The following SUGCT variants were observed in gnomAD, a reference collection of about 807,000 sequenced individuals.
SUGCT encodes the protein succinyl-CoA:glutarate-CoA transferase, also known as succinyl-CoA:glutarate CoA-transferase.
In SUGCT, 41 loss-of-function variants were observed where a neutral mutation model predicts 55.0. The observed-to-expected ratio is 0.74, with a 90% CI of 0.58 to 0.97. The LOEUF is 0.97. Among genes scored for constraint, SUGCT ranks in the 50% least tolerant of loss-of-function variants. The pLI, the probability that SUGCT is intolerant of heterozygous loss-of-function variation, is 0.00. For missense variants in SUGCT, 568 were observed against 547.8 expected (o/e 1.04, Z -0.37); for synonymous variants, 187 against 200.4 (o/e 0.93, Z 0.56).
At chr7:41,033,461 C>T in the SUGCT span, among the ~76,000 whole-genome samples, 4 of 152,104 alleles carry the variant, frequency 2.6e-5, no homozygotes, top group Non-Finnish European at 5.9e-5. Context: ...AACTCTGGGA[C>T]CCAAACATGT....
intron 8 of SUGCT, among the ~76,000 whole-genome samples, chr7:40,307,979 G>A (rs560985938): frequency 1.3e-5 from 2 of 152,264 alleles, no homozygotes; most frequent in African/African-American, 4.8e-5. Flanking sequence ...TGTTTTCTAC[G>A]AATGCTAGCC....
intron 8 of SUGCT, among the ~76,000 whole-genome samples, chr7:40,286,885 G>A (rs1377130840): frequency 2.6e-5 from 4 of 152,160 alleles, no homozygotes; most frequent in African/African-American, 4.8e-5. Context: ...GGCCAAGCCT[G>A]TAGAGCCGGA....
At chr7:40,799,184 C>T (rs1467434457) in intron 13 of SUGCT, among the ~76,000 whole-genome samples, 1 of 152,184 alleles carries the variant, frequency 6.6e-6, no homozygotes, top group Non-Finnish European at 1.5e-5. Flanking sequence ...GAGCTGATGC[C>T]TCCTTTTTGT....
rs1226877571 is a variant in SUGCT, at chr7:40,364,382, G to A, written c.816+47527G>A. On this transcript the variant is annotated intron_variant, in intron 9 of 13. Transcript: ENST00000335693. ...ATGATGTTAGCTGGTTATTTTGCTC[G>A]TTAGTTGATGCAGTTTCTTCCTAGT... Among the ~76,000 whole-genome samples, 16 of 151,892 alleles carry A rather than the reference G, an allele frequency of 1.1e-4. No homozygotes were observed. The East Asian group carries it at 1.6e-3, about 15-fold the overall frequency.
the SUGCT span, among the ~76,000 whole-genome samples, chr7:41,026,111 G>T: frequency 2.3e-3 from 352 of 152,306 alleles, 3 homozygotes; most frequent in African/African-American, 7.9e-3. Context: ...CCATCACCTT[G>T]GTCTTACGTT....
At chr7:40,233,588 G>C (rs1216031587) in intron 6 of SUGCT, among the ~76,000 whole-genome samples, 6 of 151,980 alleles carry the variant, frequency 3.9e-5, no homozygotes, top group African/African-American at 9.7e-5. Flanking sequence ...AATTTTTATG[G>C]TTTATTAAAC....
At chr7:40,918,990 A>T in the SUGCT span, among the ~76,000 whole-genome samples, 1 of 152,190 alleles carries the variant, frequency 6.6e-6, no homozygotes, top group East Asian at 1.9e-4. Context: ...ACAAGTGGTG[A>T]TGAGAGAAAA....
At chr7:40,147,972 G>A (rs1788349690) in intron 1 of SUGCT, among the ~76,000 whole-genome samples, 1 of 152,222 alleles carries the variant, frequency 6.6e-6, no homozygotes, top group African/African-American at 2.4e-5. Flanking sequence ...GGAGGGGAAG[G>A]GGAGTTTATC....
In SUGCT at chr7:40,465,890, TA is replaced by T. The variant is rs1197698916; in HGVS notation, c.986+6693del. ...ACCTTTCAAAAAAAATAAATAAATA[TA>T]TTTTTTTTGAGACAAGGTCTCACTC... is the stretch of plus-strand genomic sequence containing the variant. On this transcript the variant is annotated intron_variant, in intron 11 of 13. Coordinates refer to ENST00000335693, the MANE Select transcript of SUGCT (RefSeq NM_001193313.2). Among the ~76,000 whole-genome samples the T allele has an allele frequency of 5.3e-5, 8 of 151,944 alleles. No homozygotes were observed. In the South Asian group the frequency reaches 8.3e-4, roughly 16 times the overall value.
intron 13 of SUGCT, among the ~76,000 whole-genome samples, chr7:40,824,307 A>G (rs2128770007): frequency 6.6e-6 from 1 of 152,322 alleles, no homozygotes; most frequent in South Asian, 2.1e-4. Flanking sequence ...CTTTCCTGTT[A>G]GGCCCGCTTG....
chr7:40,899,882 A>G, the SUGCT span, among the ~76,000 whole-genome samples: 1 of 152,224 alleles, frequency 6.6e-6, no homozygotes, highest in African/African-American at 2.4e-5. Flanking sequence ...ATGTCATTAC[A>G]CAGCACTCTG....
chr7:40,663,946 T>C (rs1339395584), intron 12 of SUGCT, among the ~76,000 whole-genome samples: 1 of 152,082 alleles, frequency 6.6e-6, no homozygotes, highest in Non-Finnish European at 1.5e-5. Context: ...TTTACAGGGG[T>C]AATCAAGTTA....
chr7:40,222,986 TTTCCTTCCTTCCTTCCTTCCTTCC>T (rs200277908), intron 6 of SUGCT, among the ~76,000 whole-genome samples: 5 of 94,000 alleles, frequency 5.3e-5, no homozygotes, highest in African/African-American at 1.3e-4. Flanking sequence ...TTTTCATTTC[TTTCCTTCCTTCCTTCCTTCCTTCC>T]TTCCTTCCTT....
intron 11 of SUGCT, among the ~76,000 whole-genome samples, chr7:40,485,600 A>AT (rs1046523739): frequency 2.6e-5 from 4 of 151,196 alleles, no homozygotes; most frequent in Non-Finnish European, 5.9e-5. Context: ...TAATTTTTGT[A>AT]TTTTTTGTAG....
the SUGCT span, among the ~76,000 whole-genome samples, chr7:40,935,848 T>C: frequency 6.6e-6 from 1 of 152,162 alleles, no homozygotes; most frequent in Non-Finnish European, 1.5e-5. Flanking sequence ...CTGTACCATT[T>C]TATAATCTCA....
intron 7 of SUGCT, among the ~76,000 whole-genome samples, chr7:40,272,193 T>TAC (rs567563859): frequency 1.0e-4 from 8 of 76,276 alleles, no homozygotes; most frequent in African/African-American, 2.1e-4. Flanking sequence ...TATATATATA[T>TAC]ACAGGGTCTC....
the SUGCT span, among the ~76,000 whole-genome samples, chr7:41,005,794 AT>A: frequency 6.6e-6 from 1 of 152,088 alleles, no homozygotes; most frequent in Non-Finnish European, 1.5e-5. Context: ...TTCTATGCTG[AT>A]TTCCCTCACC....
the SUGCT span, among the ~76,000 whole-genome samples, chr7:40,901,859 A>G: frequency 6.6e-6 from 1 of 152,242 alleles, no homozygotes; most frequent in Non-Finnish European, 1.5e-5. Context: ...GGAACTCAGA[A>G]TCAGAGTCAT....
intron 11 of SUGCT, among the ~76,000 whole-genome samples, chr7:40,471,912 C>G (rs1790420842): frequency 6.6e-6 from 1 of 152,006 alleles, no homozygotes; most frequent in Non-Finnish European, 1.5e-5. Flanking sequence ...TGAAATACTT[C>G]ACAAAAACTG....
Sources: allele counts gnomAD v4.1 joint callset (sites outside exome capture counted in the v4.1 genomes callset), GRCh38; gene constraint gnomAD v4.1.1; transcripts MANE v1.5; gene names NCBI Gene and HGNC (gene_info 2026-07-23, HGNC 2026-07-21).